The following CFDP1 variants were observed in gnomAD, a reference collection of about 807,000 sequenced individuals.
CFDP1 encodes heterochromatin-stabilizing protein CFDP1.
CFDP1 carries 31 observed loss-of-function variants against 40.1 expected under a neutral mutation model. The ratio of observed to expected loss-of-function variants is 0.77; its 90% CI spans 0.58 to 1.04. The LOEUF is 1.04. Ranked by LOEUF, CFDP1 falls within the 50% of genes least tolerant of loss-of-function variation. CFDP1 has a pLI of 0.00. For missense variants in CFDP1, 423 were observed against 343.4 expected, an observed-to-expected ratio of 1.23 and a Z score of -1.83; for synonymous variants, 167 against 120.0, an observed-to-expected ratio of 1.39 and a Z score of -2.56.
chr16:75,329,065 T>C (rs1426028312), intron 5 of CFDP1, among the ~76,000 whole-genome samples: 1 of 152,046 alleles, frequency 6.6e-6, no homozygotes, highest in Non-Finnish European at 1.5e-5. Flanking sequence ...GTCAGGCTGG[T>C]CTCGAACTCC....
At chr16:75,419,526 T>C (rs147120667) in intron 1 of CFDP1, among the ~76,000 whole-genome samples, 18 of 152,298 alleles carry the variant, frequency 1.2e-4, no homozygotes, top group East Asian at 5.8e-4. Flanking sequence ...AGAAGCTGGG[T>C]GTGCCAGAGG....
At chr16:75,403,053 T>C (rs1463252640) in intron 4 of CFDP1, among the ~76,000 whole-genome samples, 1 of 152,184 alleles carries the variant, frequency 6.6e-6, no homozygotes, top group Non-Finnish European at 1.5e-5. Flanking sequence ...TTTATAGACA[T>C]GGTGCTGCCC....
chr16:75,311,994 T>G (rs1388923769), intron 5 of CFDP1, among the ~76,000 whole-genome samples: 1 of 152,162 alleles, frequency 6.6e-6, no homozygotes, highest in African/African-American at 2.4e-5. Flanking sequence ...AGAAACAGGA[T>G]GAAAGCAAGC....
At chr16:75,319,242 C>T (rs574910975) in intron 5 of CFDP1, among the ~76,000 whole-genome samples, 48 of 152,030 alleles carry the variant, frequency 3.2e-4, no homozygotes, top group Non-Finnish European at 6.2e-4. Flanking sequence ...TGGGGTTTCA[C>T]CATGTTGGCC....
At chr16:75,425,330 T>C (rs1392559739) in intron 1 of CFDP1, among the ~76,000 whole-genome samples, 3 of 136,978 alleles carry the variant, frequency 2.2e-5, no homozygotes, top group Non-Finnish European at 3.0e-5. Flanking sequence ...GAGGTTGCAG[T>C]GAGCAGAGAT....
chr16:75,433,017 C>A (rs1044785483), intron 1 of CFDP1, among the ~76,000 whole-genome samples: 3 of 152,200 alleles, frequency 2.0e-5, no homozygotes, highest in African/African-American at 4.8e-5. Flanking sequence ...GCGTCCCTAG[C>A]GACAAGGGGC....
intron 5 of CFDP1, among the ~76,000 whole-genome samples, chr16:75,311,121 C>T (rs1473811329): frequency 1.3e-5 from 2 of 152,134 alleles, no homozygotes; most frequent in Admixed American, 1.3e-4. Context: ...GTCCAACCTC[C>T]TTATTTTATA....
intron 1 of CFDP1, among the ~76,000 whole-genome samples, chr16:75,420,933 G>A (rs1246415447): frequency 1.3e-5 from 2 of 152,140 alleles, no homozygotes; most frequent in Non-Finnish European, 2.9e-5. Flanking sequence ...ACTTTTGCCT[G>A]TTTTCATCAT....
At chr16:75,365,151 T>C (rs1478729988) in intron 5 of CFDP1, among the ~76,000 whole-genome samples, 3 of 152,212 alleles carry the variant, frequency 2.0e-5, no homozygotes, top group Non-Finnish European at 2.9e-5. Flanking sequence ...ATAAACAGCT[T>C]ACAAATCAGA....
chr16:75,356,684 C>A (rs1396544129), intron 5 of CFDP1, among the ~76,000 whole-genome samples: 2 of 152,062 alleles, frequency 1.3e-5, no homozygotes, highest in Admixed American at 6.6e-5. Flanking sequence ...TCCGAGCTAA[C>A]TGAAGTCCTA....
chr16:75,308,242 G>A (rs115001611), intron 5 of CFDP1, among the ~76,000 whole-genome samples: 3,357 of 152,288 alleles, frequency 0.022, 69 homozygotes, highest in African/African-American at 0.054. Context: ...AGCTATAGGA[G>A]GTGGAATGCT....
At chr16:75,369,104 G>C (rs1169978604) in intron 5 of CFDP1, among the ~76,000 whole-genome samples, 2 of 152,138 alleles carry the variant, frequency 1.3e-5, no homozygotes, top group Non-Finnish European at 2.9e-5. Context: ...CATCAGAAAT[G>C]TAAGTGTAAT....
intron 5 of CFDP1, among the ~76,000 whole-genome samples, chr16:75,310,729 T>A (rs548283162): frequency 2.0e-3 from 298 of 152,322 alleles, no homozygotes; most frequent in Middle Eastern, 6.8e-3. Context: ...TCCTGCTGTT[T>A]GTTTAAAAGA....
chr16:75,403,997 T>G (rs1430177009), intron 4 of CFDP1, among the ~76,000 whole-genome samples: 30 of 151,564 alleles, frequency 2.0e-4, no homozygotes, highest in Non-Finnish European at 7.4e-5. Flanking sequence ...CCGGGTGCAG[T>G]GGCAGGTGCC....
chr16:75,400,034 G>C (rs1419721021), intron 4 of CFDP1, among the ~76,000 whole-genome samples: 2 of 148,908 alleles, frequency 1.3e-5, no homozygotes, highest in Non-Finnish European at 3.0e-5. Flanking sequence ...CCAGGAGGTG[G>C]AGGTTGCGGT....
chr16:75,410,055 CAAAAAAAAAA>C (rs150987819), intron 4 of CFDP1, among the ~76,000 whole-genome samples: 3 of 52,542 alleles, frequency 5.7e-5, no homozygotes, highest in South Asian at 1.5e-3. Flanking sequence ...GACCCTTTCT[CAAAAAAAAAA>C]AAAAAAAAAA....
At chr16:75,410,026 A>G (rs1370160982) in intron 4 of CFDP1, among the ~76,000 whole-genome samples, 1 of 129,566 alleles carries the variant, frequency 7.7e-6, no homozygotes, top group Non-Finnish European at 1.6e-5. Context: ...GTTCAAGACC[A>G]GCCTAGGCAA....
At chr16:75,407,501 G>C (rs934319225) in intron 4 of CFDP1, among the ~76,000 whole-genome samples, 2 of 142,684 alleles carry the variant, frequency 1.4e-5, no homozygotes, top group East Asian at 2.1e-4. Flanking sequence ...AACACAGTGA[G>C]ATGACATTGC....
intron 5 of CFDP1, among the ~76,000 whole-genome samples, chr16:75,343,540 A>G (rs963902886): frequency 2.0e-5 from 3 of 152,238 alleles, no homozygotes; most frequent in African/African-American, 7.2e-5. Flanking sequence ...TGTGTATGAC[A>G]AAACAGCTAG....
Sources: gnomAD v4.1 joint callset for allele counts (sites outside exome capture counted in the v4.1 genomes callset) on GRCh38, gnomAD v4.1.1 for gene constraint, MANE v1.5 for transcripts, NCBI Gene and HGNC (gene_info 2026-07-23, HGNC 2026-07-21) for gene names.